PBX3: variants seen among roughly 807,000 people sequenced by gnomAD.
PBX3 encodes PBX homeobox 3.
PBX3 carries 14 observed loss-of-function variants against 48.5 expected under a neutral mutation model. The ratio of observed to expected loss-of-function variants is 0.29; its 90% CI spans 0.19 to 0.45. The LOEUF (loss-of-function observed/expected upper bound fraction) is 0.45, where lower values mean the gene tolerates loss of function less well. Ranked by LOEUF, PBX3 falls within the 20% of genes least tolerant of loss-of-function variation. The pLI is 1.00. For missense variants in PBX3, 386 were observed against 546.7 expected (o/e 0.71, Z 2.93); for synonymous variants, 210 against 200.3 (o/e 1.05, Z -0.41).
chr9:125,837,702 C>T (rs571267992), intron 2 of PBX3, among the ~76,000 whole-genome samples: 233 of 152,044 alleles, frequency 1.5e-3, no homozygotes, highest in South Asian at 3.5e-3. Flanking sequence ...GCCATTCTTC[C>T]GCCTCAGCCA....
chr9:125,894,386 G>C (rs992341744), intron 2 of PBX3, among the ~76,000 whole-genome samples: 1 of 151,946 alleles, frequency 6.6e-6, no homozygotes, highest in African/African-American at 2.4e-5. Flanking sequence ...TTTTGATCTA[G>C]GATAACCTTT....
intron 2 of PBX3, among the ~76,000 whole-genome samples, chr9:125,790,823 G>A (rs1281003269): frequency 6.6e-6 from 1 of 151,900 alleles, no homozygotes; most frequent in African/African-American, 2.4e-5. Context: ...CAAAGTGTTG[G>A]GATTATAGGT....
chr9:125,827,696 A>G (rs532773785), intron 2 of PBX3, among the ~76,000 whole-genome samples: 164 of 152,242 alleles, frequency 1.1e-3, no homozygotes, highest in African/African-American at 3.5e-3. Flanking sequence ...GTAGTATTCT[A>G]CCGTGCAGAT....
chr9:125,961,433 C>T (rs1266287775), intron 6 of PBX3, among the ~76,000 whole-genome samples: 3 of 152,128 alleles, frequency 2.0e-5, no homozygotes, highest in Admixed American at 6.5e-5. Flanking sequence ...TTTTATGTGA[C>T]GTTTGTGAGG....
intron 2 of PBX3, among the ~76,000 whole-genome samples, chr9:125,767,242 T>TC (rs1836823487): frequency 6.6e-6 from 1 of 152,328 alleles, no homozygotes; most frequent in African/African-American, 2.4e-5. Context: ...ATTTGGCGAA[T>TC]GCTAAGTGGT....
At chr9:125,772,091 G>A (rs1182575174) in intron 2 of PBX3, among the ~76,000 whole-genome samples, 1 of 152,192 alleles carries the variant, frequency 6.6e-6, no homozygotes, top group Non-Finnish European at 1.5e-5. Context: ...CTAATTCAAA[G>A]TGAATCTTTC....
At chr9:125,752,839 AATATAATT>A (rs1233552642) in intron 2 of PBX3, among the ~76,000 whole-genome samples, 1 of 152,178 alleles carries the variant, frequency 6.6e-6, no homozygotes, top group African/African-American at 2.4e-5. Flanking sequence ...CACTATTTCC[AATATAATT>A]ATCATCTTTT....
rs766389213 is a variant in PBX3 at position 125,747,527 on chromosome 9, T to A, written c.74T>A (p.Met25Lys). 14 of 1,600,088 alleles carry A rather than the reference T, an allele frequency of 8.7e-6. No individual in the cohort carries two copies. The highest frequency in any genetic ancestry group is 1.4e-5 in the African/African-American group (1 of 72,760). ...NLAGHSVQGGMALPPPPHGHE... is the reference protein window; with the variant it reads ...NLAGHSVQGGKALPPPPHGHE... ...GCTGGCCACTCGGTGCAGGGGGGCA[T>A]GGCCCTGCCGCCTCCCCCGCACGGC... The change falls in exon 1 of 9, where the codon ATG (methionine) becomes AAG (lysine). Residue 25 changes from methionine (M) to lysine (K), a missense_variant. Coordinates refer to ENST00000373489, the MANE Select transcript of PBX3 (RefSeq NM_006195.6).
At chr9:125,880,174 A>G (rs1302612072) in intron 2 of PBX3, among the ~76,000 whole-genome samples, 1 of 152,134 alleles carries the variant, frequency 6.6e-6, no homozygotes, top group Non-Finnish European at 1.5e-5. Context: ...CCTCTTGAGT[A>G]GCTGGGATTA....
At chr9:125,914,787 A>G (rs1841288292) in intron 2 of PBX3, among the ~76,000 whole-genome samples, 1 of 152,230 alleles carries the variant, frequency 6.6e-6, no homozygotes, top group East Asian at 1.9e-4. Context: ...TTGAGCTGTC[A>G]TGACTCCAAT....
At chr9:125,910,852 T>C (rs1432611902) in intron 2 of PBX3, among the ~76,000 whole-genome samples, 1 of 151,840 alleles carries the variant, frequency 6.6e-6, no homozygotes, top group East Asian at 1.9e-4. Context: ...ACTATTTCTT[T>C]CATTACAAGC....
chr9:125,857,710 T>G, intron 2 of PBX3, among the ~76,000 whole-genome samples: 1 of 152,354 alleles, frequency 6.6e-6, no homozygotes, highest in Non-Finnish European at 1.5e-5. Flanking sequence ...AAAATGTTTA[T>G]TATATAGCTA....
intron 2 of PBX3, among the ~76,000 whole-genome samples, chr9:125,826,756 A>G (rs1251393086): frequency 1.3e-5 from 2 of 152,152 alleles, no homozygotes; most frequent in African/African-American, 4.8e-5. Flanking sequence ...TTGACACATA[A>G]TATTTTCTAT....
At chr9:125,896,294 CAA>C (rs759582749) in intron 2 of PBX3, among the ~76,000 whole-genome samples, 9 of 151,880 alleles carry the variant, frequency 5.9e-5, no homozygotes, top group Non-Finnish European at 1.2e-4. Context: ...AAAACTAAGA[CAA>C]AAATCTTCCT....
intron 5 of PBX3, among the ~76,000 whole-genome samples, chr9:125,955,323 G>GCTC (rs1347885753): frequency 1.3e-5 from 2 of 152,138 alleles, no homozygotes; most frequent in Non-Finnish European, 2.9e-5. Flanking sequence ...CAGGTGCCTT[G>GCTC]CTCCTGCTCC....
chr9:125,955,983 G>A (rs1381387676), intron 5 of PBX3, among the ~76,000 whole-genome samples: 3 of 152,312 alleles, frequency 2.0e-5, no homozygotes, highest in Admixed American at 6.5e-5. Flanking sequence ...CTGACGGGGC[G>A]TCCTGGGGCT....
At chr9:125,864,426 A>C (rs1839932360) in intron 2 of PBX3, among the ~76,000 whole-genome samples, 1 of 152,208 alleles carries the variant, frequency 6.6e-6, no homozygotes, top group African/African-American at 2.4e-5. Flanking sequence ...AGGATGATTC[A>C]AGTGCATTAC....
intron 2 of PBX3, among the ~76,000 whole-genome samples, chr9:125,888,738 G>A (rs1840563352): frequency 6.6e-6 from 1 of 152,030 alleles, no homozygotes; most frequent in South Asian, 2.1e-4. Flanking sequence ...TCTAGTAACT[G>A]TTTATATTTG....
At chr9:125,749,188 A>G (rs914042389) in intron 2 of PBX3, 1 of 152,610 alleles carries the variant, frequency 6.6e-6, no homozygotes, top group South Asian at 2.1e-4. Context: ...TAATACTTGT[A>G]TTATTTTGTA....
Sources: allele counts gnomAD v4.1 joint callset (sites outside exome capture counted in the v4.1 genomes callset), GRCh38; gene constraint gnomAD v4.1.1; transcripts MANE v1.5; gene names NCBI Gene and HGNC (gene_info 2026-07-23, HGNC 2026-07-21).